The following WDR27 variants were observed in gnomAD, a reference collection of about 807,000 sequenced individuals.
WDR27 encodes WD repeat domain 27.
A neutral mutation model predicts 114.4 loss-of-function variants in WDR27; 100 were observed. That is an observed-to-expected ratio of 0.87 (90% confidence interval 0.74 to 1.03). The LOEUF (loss-of-function observed/expected upper bound fraction) is 1.03. Among genes scored for constraint, WDR27 ranks in the 50% least tolerant of loss-of-function variants. WDR27 has a pLI of 0.00. For missense variants in WDR27, 1,129 were observed against 1,092.9 expected, an observed-to-expected ratio of 1.03 and a Z score of -0.47; for synonymous variants, 449 against 423.1, an observed-to-expected ratio of 1.06 and a Z score of -0.75.
chr6:169,607,164 C>T lies in WDR27; in HGVS notation c.2322-4843G>A, dbSNP rs375225669. ...GGAATGTAAATTAGTACAACCTCTACGCAAAACAATGTGAAGATCTCTCAA... is the reference window on the plus strand; with the variant it reads ...GGAATGTAAATTAGTACAACCTCTATGCAAAACAATGTGAAGATCTCTCAA... On this transcript the variant is annotated intron_variant, in intron 22 of 25. Transcript: ENST00000448612. Among the ~76,000 whole-genome samples, 386 of 152,140 alleles carry T rather than the reference C, an allele frequency of 2.5e-3. 2 individuals are homozygous for T. Among genetic ancestry groups the T allele is most frequent in the Non-Finnish European group, 2.9e-3 (196 of 67,976 alleles).
At chr6:169,607,416 A>T (rs895593996) in intron 22 of WDR27, among the ~76,000 whole-genome samples, 11 of 36,022 alleles carry the variant, frequency 3.1e-4, no homozygotes, top group African/African-American at 6.0e-4. Flanking sequence ...ACACACACAC[A>T]CACACACATA....
chr6:169,630,912 A>ATCAATCAATCAT (rs1331063509), intron 21 of WDR27, among the ~76,000 whole-genome samples: 2 of 151,710 alleles, frequency 1.3e-5, no homozygotes, highest in African/African-American at 4.8e-5. Context: ...CAATCAATCA[A>ATCAATCAATCAT]TAAGGTGGGT....
intron 6 of WDR27, among the ~76,000 whole-genome samples, 193 bp from the exon 7 acceptor site, chr6:169,665,749 CCCA>C (rs1319762679): frequency 6.6e-6 from 1 of 151,860 alleles, no homozygotes; most frequent in Non-Finnish European, 1.5e-5. Context: ...TGTTGAAAAC[CCCA>C]TAAACACAAT....
Position 169,573,087 on chromosome 6 carries a change from T to A in WDR27, c.2524-547A>T, listed in dbSNP as rs541056902. 2.0e-5 allele frequency among the ~76,000 whole-genome samples: 3 copies of A among 152,270 alleles called. No individual in the cohort carries two copies. The South Asian group carries it at 6.2e-4, about 32-fold the overall frequency. On this transcript the variant is annotated intron_variant, in intron 24 of 25. Transcript: ENST00000448612. ...TTTCTTCCCTTCCCAGGAGGTTGTG[T>A]TGCAGCCCGAGCCTCCCGGGGTGCA... is the stretch of plus-strand genomic sequence containing the variant.
intron 23 of WDR27, among the ~76,000 whole-genome samples, chr6:169,594,242 T>TTTGG (rs1323665189): frequency 1.3e-5 from 2 of 152,196 alleles, no homozygotes; most frequent in Non-Finnish European, 2.9e-5. Context: ...GCAAGAAATT[T>TTTGG]TTTGGTTTTT....
At chr6:169,553,285 C>T (rs918681076) in intron 25 of WDR27, among the ~76,000 whole-genome samples, 4 of 152,234 alleles carry the variant, frequency 2.6e-5, no homozygotes, top group East Asian at 3.9e-4. Context: ...GGCCCAGCAA[C>T]GTCTCCCTGC....
intron 21 of WDR27, among the ~76,000 whole-genome samples, chr6:169,631,206 G>T (rs904197595): frequency 9.2e-5 from 14 of 152,190 alleles, no homozygotes; most frequent in East Asian, 3.9e-4. Flanking sequence ...TCTTCAAAGG[G>T]ATCCCTTCAC....
intron 25 of WDR27, among the ~76,000 whole-genome samples, chr6:169,508,420 T>A (rs1562509963): frequency 6.6e-6 from 1 of 152,126 alleles, no homozygotes; most frequent in Non-Finnish European, 1.5e-5. Context: ...GACTGTTAGG[T>A]TTTTGGCTAG....
chr6:169,521,578 A>C (rs967039482), intron 25 of WDR27, among the ~76,000 whole-genome samples: 5 of 152,122 alleles, frequency 3.3e-5, no homozygotes, highest in African/African-American at 1.2e-4. Context: ...AATATTTCAA[A>C]AACAATAATA....
At chr6:169,642,832 C>A (rs1260490895) in intron 17 of WDR27, among the ~76,000 whole-genome samples, 1 of 152,238 alleles carries the variant, frequency 6.6e-6, no homozygotes, top group Admixed American at 6.5e-5. Context: ...CTAATGACTG[C>A]CCTTGGGGTG....
the WDR27 span, among the ~76,000 whole-genome samples, chr6:169,433,656 G>A: frequency 6.6e-6 from 1 of 152,168 alleles, no homozygotes; most frequent in African/African-American, 2.4e-5. Context: ...GATCCTTGAG[G>A]AATTGTCACA....
At chr6:169,685,205 G>C (rs1782590978) in intron 2 of WDR27, among the ~76,000 whole-genome samples, 1 of 151,636 alleles carries the variant, frequency 6.6e-6, no homozygotes, top group African/African-American at 2.4e-5. Flanking sequence ...TAATTGGAAG[G>C]TGCAACTTTC....
Position 169,643,688 on chromosome 6 carries a change from A to G in WDR27, c.1747+9T>C, listed in dbSNP as rs374154081. The G allele has an allele frequency of 6.2e-7, 1 of 1,611,560 alleles. No individual in the cohort carries two copies. The highest frequency in any genetic ancestry group is 8.5e-7 in the Non-Finnish European group (1 of 1,178,520). ...AGTTCATACTGACTGAAATTAAGAC[A>G]TGTTTTACCTGAAAACACAGCAGGT... On this transcript the variant is annotated intron_variant, in intron 17 of 25. Coordinates refer to ENST00000448612, the MANE Select transcript of WDR27 (RefSeq NM_182552.5).
rs1195483646 is a variant in WDR27 at position 169,575,278 on chromosome 6, A to ATCCC, written c.2524-2742_2524-2739dup. Among the ~76,000 whole-genome samples the ATCCC allele has an allele frequency of 1.5e-3, 179 of 119,840 alleles. 10 individuals are homozygous for ATCCC. Among genetic ancestry groups the ATCCC allele is most frequent in the African/African-American group, 5.1e-3 (157 of 30,534 alleles). 78.6% of individuals were successfully genotyped at this position (119,840 alleles called of 152,430 possible). A position where few individuals can be genotyped will look rare whatever the true frequency, so the allele number is the denominator to read the frequency against. Reference sequence around the variant, plus strand: ...TCCCTCCTTCCCTCTCTCTCCATCCATCCCTCCCTCCCTCCCTCTCTCCAT... The same window carrying ATCCC: ...TCCCTCCTTCCCTCTCTCTCCATCCATCCCTCCCTCCCTCCCTCCCTCTCTCCAT... On this transcript the variant is annotated intron_variant, in intron 24 of 25. Coordinates refer to ENST00000448612, the MANE Select transcript of WDR27 (RefSeq NM_182552.5).
chr6:169,661,660 C>T (rs1437168236), intron 9 of WDR27, among the ~76,000 whole-genome samples: 1 of 152,162 alleles, frequency 6.6e-6, no homozygotes, highest in African/African-American at 2.4e-5. Flanking sequence ...TCCATGCACC[C>T]ACCGGGAGCA....
At chr6:169,500,686 T>C (rs933175374) in intron 25 of WDR27, among the ~76,000 whole-genome samples, 2 of 152,062 alleles carry the variant, frequency 1.3e-5, no homozygotes, top group Admixed American at 6.5e-5. Flanking sequence ...TCCTTCAAAG[T>C]GGAAGCAGTC....
At chr6:169,543,103 G>A (rs1430390491) in intron 25 of WDR27, among the ~76,000 whole-genome samples, 1 of 151,806 alleles carries the variant, frequency 6.6e-6, no homozygotes, top group Non-Finnish European at 1.5e-5. Context: ...AAAGAAAATG[G>A]GAAATGTGTA....
intron 16 of WDR27, among the ~76,000 whole-genome samples, chr6:169,644,593 G>C (rs369128899): frequency 2.2e-5 from 2 of 92,418 alleles, no homozygotes; most frequent in Non-Finnish European, 4.8e-5. Flanking sequence ...GTCACACTGT[G>C]GAAAACCCTA....
intron 25 of WDR27, among the ~76,000 whole-genome samples, chr6:169,544,624 G>T (rs1797231132): frequency 6.6e-6 from 1 of 151,918 alleles, no homozygotes; most frequent in Admixed American, 6.6e-5. Flanking sequence ...TATTAGAGTT[G>T]GGGTTTCCCC....
Sources: gnomAD v4.1 joint callset for allele counts (sites outside exome capture counted in the v4.1 genomes callset) on GRCh38, gnomAD v4.1.1 for gene constraint, MANE v1.5 for transcripts, NCBI Gene and HGNC (gene_info 2026-07-23, HGNC 2026-07-21) for gene names.